Variants in PHLDB1 observed in about 807,000 individuals in gnomAD.
The protein encoded by PHLDB1 is pleckstrin homology-like domain family B member 1.
In PHLDB1, 65 loss-of-function variants were observed where a neutral mutation model predicts 139.3. That is an observed-to-expected ratio of 0.47 (90% CI 0.38 to 0.57). PHLDB1 has a LOEUF of 0.57. Among genes scored for constraint, PHLDB1 ranks in the 20% least tolerant of loss-of-function variants. PHLDB1 has a pLI of 0.00. For synonymous variants in PHLDB1, 679 were observed against 734.5 expected (o/e 0.92, Z 1.22); for missense variants, 1,624 against 1,839.7 (o/e 0.88, Z 2.14).
At position 118,610,058 on chromosome 11, in the gene PHLDB1, G is replaced by A. The variant is rs924220161; in HGVS notation, c.-22+2359G>A. ...CCTCCGCTGCCCTCGCGCATCCCCA[G>A]TGTTCCCGTCTGTCGTCGCCTCCAC... is the stretch of plus-strand genomic sequence containing the variant. On this transcript the variant is annotated intron_variant, in intron 1 of 22. Coordinates refer to ENST00000600882, the MANE Select transcript of PHLDB1 (RefSeq NM_001144758.3). This position sits in a 1 kb window ranked among gnomAD's most constrained non-coding sequence, Gnocchi z 8.7. Among the ~76,000 whole-genome samples, 1 of 150,036 alleles carries A rather than the reference G, an allele frequency of 6.7e-6. No homozygotes were observed.
intron 12 of PHLDB1, chr11:118,641,619 G>A (rs577880177): frequency 7.8e-6 from 10 of 1,280,944 alleles, no homozygotes; most frequent in Middle Eastern, 2.2e-4. Flanking sequence ...CCAAGTACGT[G>A]ATGCTTGAGC....
intron 17 of PHLDB1, chr11:118,646,438 T>C (rs1428495500): frequency 2.6e-5 from 4 of 152,496 alleles, no homozygotes; most frequent in African/African-American, 9.7e-5. Flanking sequence ...CTGTAGACTT[T>C]TTGGCAACTA....
At chr11:118,641,749 T>C (rs990510053) in intron 12 of PHLDB1, 2 of 1,289,646 alleles carry the variant, frequency 1.6e-6, no homozygotes, top group African/African-American at 1.5e-5. Flanking sequence ...CATGCTGCCC[T>C]CCTCCTCGTT....
Position 118,624,983 on chromosome 11 carries a change from G to T in PHLDB1, c.405G>T (p.Pro135=), listed in dbSNP as rs782562508. The stretch of plus-strand genomic sequence containing the variant: ...CCACCTTCCTTCGCTTTAACCACCC[G>T]GCTGAAGCCAAGTGGATGAAAAGCA... The part of the protein sequence containing the change: ...GQSTFLRFNH[P]AEAKWMKSMI... Residue 135 remains proline (P), a synonymous_variant, in exon 5 of 23, where the codon CCG becomes CCT. Transcript: ENST00000600882. The T allele has an allele frequency of 3.1e-6, 5 of 1,613,808 alleles. No individual in the cohort carries two copies. Among genetic ancestry groups the T allele is most frequent in the South Asian group, 1.1e-5 (1 of 91,062 alleles).
rs1555082801 is a variant in PHLDB1, at chr11:118,610,432, C to G, written c.-22+2733C>G. ...CGGATGTGCGCCTGGAGGGCGAAGGCGGCGGCCGAGAGGACCCCAGCTCGG... is the reference window on the plus strand; with the variant it reads ...CGGATGTGCGCCTGGAGGGCGAAGGGGGCGGCCGAGAGGACCCCAGCTCGG... On this transcript the variant is annotated intron_variant, in intron 1 of 22. Transcript: ENST00000600882. This position sits in a 1 kb window ranked among gnomAD's most constrained non-coding sequence, Gnocchi z 8.7. 1.0e-6 allele frequency: 1 copy of G among 984,154 alleles called. No individual in the cohort carries two copies. The highest frequency in any genetic ancestry group is 1.2e-6 in the Non-Finnish European group (1 of 829,380). The allele number at this position is 984,154 out of a possible 1,614,324, so 61.0% of individuals were successfully genotyped here.
intron 4 of PHLDB1, among the ~76,000 whole-genome samples, chr11:118,622,003 T>A (rs1942913999): frequency 6.6e-6 from 1 of 152,138 alleles, no homozygotes; most frequent in South Asian, 2.1e-4. Flanking sequence ...CGCCCATAAG[T>A]CTGTTGTGTT....
intron 22 of PHLDB1, among the ~76,000 whole-genome samples, chr11:118,656,101 A>G (rs564269911): frequency 6.6e-6 from 1 of 150,588 alleles, no homozygotes; most frequent in African/African-American, 2.4e-5. Context: ...AGCAGACCCC[A>G]TGGGGGTCTG....
Position 118,627,601 on chromosome 11 carries a change from T to A in PHLDB1, c.778T>A (p.Ser260Thr). Residue 260 changes from serine to threonine, a missense_variant, in exon 6 of 23, where the codon TCA (serine) becomes ACA (threonine). By Grantham distance (58) the Ser-to-Thr change is moderately conservative (BLOSUM62 1). Coordinates refer to ENST00000600882, the MANE Select transcript of PHLDB1 (RefSeq NM_001144758.3). ...NTSPAFSPLS[S>T]PASSGSCASH... The stretch of plus-strand genomic sequence containing the variant: ...CTCTCCAGCCTTCTCTCCACTCTCT[T>A]CACCAGCCAGCAGTGGAAGCTGTGC... The A allele has an allele frequency of 6.2e-7, 1 of 1,613,634 alleles. No individual in the cohort carries two copies. The highest frequency in any genetic ancestry group is 8.5e-7 in the Non-Finnish European group (1 of 1,180,012).
Position 118,639,583 on chromosome 11 carries a change from G to A in PHLDB1, c.2736+332G>A, listed in dbSNP as rs577546412. On this transcript the variant is annotated intron_variant, in intron 12 of 22. Transcript: ENST00000600882. ...CCGGGCTGGATGGACTCACCTTGAA[G>A]GGGAGCATAGGGATATAGGGGTGCT... 860 of 418,006 alleles carry A rather than the reference G, an allele frequency of 2.1e-3. 7 individuals carry two copies. The highest frequency in any genetic ancestry group is 7.3e-3 in the South Asian group (247 of 33,694). 25.9% of individuals were successfully genotyped at this position (418,006 alleles called of 1,614,324 possible).
intron 6 of PHLDB1, among the ~76,000 whole-genome samples, chr11:118,630,607 T>C (rs1181284694): frequency 6.6e-6 from 1 of 152,200 alleles, no homozygotes; most frequent in Non-Finnish European, 1.5e-5. Flanking sequence ...TATGCTAGAC[T>C]GTGTTTATCT....
intron 4 of PHLDB1, among the ~76,000 whole-genome samples, chr11:118,622,698 G>A (rs1943071722): frequency 6.6e-6 from 1 of 152,182 alleles, no homozygotes; most frequent in African/African-American, 2.4e-5. Flanking sequence ...GGGTTGAGTG[G>A]CTCTGTCTAG....
In PHLDB1 at chr11:118,616,028, C is replaced by T; in HGVS notation, c.185-13C>T. 8 of 1,608,112 alleles carry T rather than the reference C, an allele frequency of 5.0e-6. No homozygotes were observed. The highest frequency in any genetic ancestry group is 6.8e-6 in the Non-Finnish European group (8 of 1,176,442). ...GGACAACCCCTCTGATTCAGTTTGC[C>T]TCTTGTCTCCAGGGAGGACGGTGAT... is the stretch of plus-strand genomic sequence containing the variant. On this transcript the variant is annotated splice_polypyrimidine_tract_variant and intron_variant, in intron 3 of 22. Transcript: ENST00000600882.
In PHLDB1 at chr11:118,632,073, G is replaced by C; in HGVS notation, c.2241+20G>C. 6.2e-7 allele frequency: 1 copy of C among 1,613,774 alleles called. No individual in the cohort carries two copies. The highest frequency in any genetic ancestry group is 8.5e-7 in the Non-Finnish European group (1 of 1,179,788). On this transcript the variant is annotated intron_variant, in intron 8 of 22. Coordinates refer to ENST00000600882, the MANE Select transcript of PHLDB1 (RefSeq NM_001144758.3). The surrounding 1 kb of genome is among the most constrained non-coding windows in gnomAD (Gnocchi z 5.9). The stretch of plus-strand genomic sequence containing the variant: ...CGAGAGGTGAGCCGTGAAGTCCCTA[G>C]CTGGACTCTTCCCTAGGCCAACTGA...
intron 20 of PHLDB1, chr11:118,651,810 C>T (rs1282038581): frequency 6.6e-6 from 1 of 151,358 alleles, no homozygotes; most frequent in South Asian, 2.1e-4. Flanking sequence ...AAGGAAATCT[C>T]AGTGGCTTAC....
rs985548153 is a variant in PHLDB1, at chr11:118,620,363, G to A, written c.355+4152G>A. ...CAAAATTTGCTGGGTGTGTGGTGGC[G>A]CATGCCTGTAGTCCCAGCTATGGGA... On this transcript the variant is annotated intron_variant, in intron 4 of 22. Transcript: ENST00000600882. The surrounding 1 kb of genome is among the most constrained non-coding windows in gnomAD (Gnocchi z 4.1). Among the ~76,000 whole-genome samples, 9 of 152,208 alleles carry A rather than the reference G, an allele frequency of 5.9e-5. No homozygotes were observed. The highest frequency in any genetic ancestry group is 8.8e-5 in the Non-Finnish European group (6 of 68,040).
In PHLDB1 at chr11:118,650,599, T is replaced by C; in HGVS notation, c.3874+52T>C. The stretch of plus-strand genomic sequence containing the variant: ...GGCCAGCCAGGATCCCTGGGCTCTG[T>C]TACCCAGGACGGCTGGTCTTCTAGA... On this transcript the variant is annotated intron_variant, in intron 20 of 22. Coordinates refer to ENST00000600882, the MANE Select transcript of PHLDB1 (RefSeq NM_001144758.3). This position sits in a 1 kb window ranked among gnomAD's most constrained non-coding sequence, Gnocchi z 4.7. 2 of 1,273,476 alleles carry C rather than the reference T, an allele frequency of 1.6e-6. No homozygotes were observed. Among genetic ancestry groups the C allele is most frequent in the Non-Finnish European group, 2.3e-6 (2 of 869,948 alleles). The allele number at this position is 1,273,476 out of a possible 1,614,324, so 78.9% of individuals were successfully genotyped here. A position where few individuals can be genotyped will look rare whatever the true frequency, so the allele number is the denominator to read the frequency against.
At position 118,628,065 on chromosome 11, in the gene PHLDB1, G is replaced by A. The variant is rs781925568; in HGVS notation, c.1242G>A (p.Arg414=). The change falls in exon 6 of 23, where the codon CGG becomes CGA. Residue 414 remains arginine (R), a synonymous_variant. Coordinates refer to ENST00000600882, the MANE Select transcript of PHLDB1 (RefSeq NM_001144758.3). ...TCCGTGAGCCTCCAGGCAGTGAGCG[G>A]GTGCTAACAACCAGCCCCTCACGCC... ...SPFREPPGSE[R]VLTTSPSRQL... is the part of the protein sequence containing the mutation. The A allele has an allele frequency of 6.2e-7, 1 of 1,614,050 alleles. No individual in the cohort carries two copies. Among genetic ancestry groups the A allele is most frequent in the Non-Finnish European group, 8.5e-7 (1 of 1,180,034 alleles).
At chr11:118,649,302 AG>A (rs1227797024) in intron 18 of PHLDB1, among the ~76,000 whole-genome samples, 3 of 151,594 alleles carry the variant, frequency 2.0e-5, no homozygotes, top group African/African-American at 7.3e-5. Context: ...AAAAGAAAAA[AG>A]AAGCTCTGTG....
rs1338870942 is a variant in PHLDB1 at position 118,657,332 on chromosome 11, A to G, written c.*509A>G. On this transcript the variant is annotated 3_prime_UTR_variant, in exon 23 of 23. Coordinates refer to ENST00000600882, the MANE Select transcript of PHLDB1 (RefSeq NM_001144758.3). Reference sequence around the variant, plus strand: ...TCTCAAGTGTCAACCTTGAGGTCCCAGCTCCATCCCCTAGTTGCAGACTCA... The same window carrying G: ...TCTCAAGTGTCAACCTTGAGGTCCCGGCTCCATCCCCTAGTTGCAGACTCA... The G allele has an allele frequency of 6.5e-6, 1 of 154,580 alleles. No individual in the cohort carries two copies. The highest frequency in any genetic ancestry group is 2.4e-5 in the African/African-American group (1 of 41,428). 9.6% of individuals were successfully genotyped at this position (154,580 alleles called of 1,614,324 possible). A position where few individuals can be genotyped will look rare whatever the true frequency, so the allele number is the denominator to read the frequency against.
Sources: gnomAD v4.1 joint callset for allele counts (sites outside exome capture counted in the v4.1 genomes callset) on GRCh38, gnomAD v4.1.1 for gene constraint, Gnocchi (gnomAD v3.1) non-coding constraint, MANE v1.5 for transcripts, NCBI Gene and HGNC (gene_info 2026-07-23, HGNC 2026-07-21) for gene names.